EHF: variants seen among roughly 807,000 people sequenced by gnomAD.
EHF encodes the protein ESE3 transcription factor.
A neutral mutation model predicts 45.1 loss-of-function variants in EHF; 14 were observed. That is an observed-to-expected ratio of 0.31 (90% confidence interval 0.21 to 0.49). The LOEUF is 0.49. Ranked by LOEUF, EHF falls within the 20% of genes least tolerant of loss-of-function variation. The pLI, the probability that EHF is intolerant of heterozygous loss-of-function variation, is 0.99. For synonymous variants in EHF, 136 were observed against 131.8 expected (o/e 1.03, Z -0.22); for missense variants, 282 against 371.4 (o/e 0.76, Z 1.98).
intron 6 of EHF, among the ~76,000 whole-genome samples, chr11:34,656,045 C>T (rs1185363027): frequency 1.6e-5 from 2 of 128,750 alleles, no homozygotes; most frequent in Non-Finnish European, 1.6e-5. Context: ...CTACTTTGGT[C>T]CTCCCAATAC....
At chr11:34,637,058 G>A (rs931948930) in intron 1 of EHF, among the ~76,000 whole-genome samples, 5 of 149,730 alleles carry the variant, frequency 3.3e-5, no homozygotes, top group South Asian at 2.1e-4. Flanking sequence ...AAAGACATGC[G>A]GCACTACTAG....
chr11:34,633,533 T>C (rs1220657845), intron 1 of EHF, among the ~76,000 whole-genome samples: 2 of 152,164 alleles, frequency 1.3e-5, no homozygotes, highest in Non-Finnish European at 2.9e-5. Flanking sequence ...TAGCCAAACA[T>C]TGTTGACTCT....
chr11:34,633,925 C>T (rs1853144121), intron 1 of EHF, among the ~76,000 whole-genome samples: 1 of 152,088 alleles, frequency 6.6e-6, no homozygotes, highest in Non-Finnish European at 1.5e-5. Flanking sequence ...ATAAAGTGTA[C>T]CTATAATGGA....
At chr11:34,638,934 A>T (rs77396782) in intron 1 of EHF, among the ~76,000 whole-genome samples, 1,853 of 152,318 alleles carry the variant, frequency 0.012, 37 homozygotes, top group East Asian at 0.074. Flanking sequence ...ACACCTTGAG[A>T]ATTAATGTTT....
chr11:34,652,372 G>C (rs529876073), intron 6 of EHF, among the ~76,000 whole-genome samples: 2 of 152,126 alleles, frequency 1.3e-5, no homozygotes, highest in Admixed American at 1.3e-4. Flanking sequence ...TATGAGTTAC[G>C]TTCACTTTAG....
Position 34,636,308 on chromosome 11 carries a change from C to G in EHF, c.-3-6320C>G, listed in dbSNP as rs1853398062. Among the ~76,000 whole-genome samples the G allele has an allele frequency of 2.6e-5, 4 of 152,332 alleles. No homozygotes were observed. In the South Asian group the frequency reaches 8.3e-4, roughly 32 times the overall value. ...ACTGAGGTCCTGAGAAGTTAAATAA[C>G]TTGTCCAAACTTGCCCCATTAGGAA... is the stretch of plus-strand genomic sequence containing the variant. On this transcript the variant is annotated intron_variant, in intron 1 of 8. Coordinates refer to ENST00000257831, the MANE Select transcript of EHF (RefSeq NM_012153.6).
intron 6 of EHF, among the ~76,000 whole-genome samples, chr11:34,654,409 A>G (rs775504967): frequency 3.9e-5 from 6 of 152,242 alleles, no homozygotes; most frequent in Non-Finnish European, 8.8e-5. Flanking sequence ...AGATCAAAAG[A>G]TATCAGTGGT....
Position 34,637,431 on chromosome 11 carries a change from T to C in EHF, c.-3-5197T>C, listed in dbSNP as rs115417263. On this transcript the variant is annotated intron_variant, in intron 1 of 8. Transcript: ENST00000257831. ...GCGGGAGTTTGTGTGTACCTGAAAC[T>C]GCCCTTAAAAGAAGTGAGATGCGGA... Among the ~76,000 whole-genome samples, 221 of 152,320 alleles carry C rather than the reference T, an allele frequency of 1.5e-3. 1 individual carries two copies. Among genetic ancestry groups the C allele is most frequent in the African/African-American group, 5.1e-3 (213 of 41,584 alleles).
At chr11:34,652,525 G>A (rs774689678) in intron 6 of EHF, among the ~76,000 whole-genome samples, 2 of 152,184 alleles carry the variant, frequency 1.3e-5, no homozygotes, top group African/African-American at 4.8e-5. Context: ...GTGCATTGGC[G>A]TGTACAGTGT....
chr11:34,650,003 C>A (rs1036586289), intron 4 of EHF, among the ~76,000 whole-genome samples: 1 of 152,212 alleles, frequency 6.6e-6, no homozygotes, highest in Non-Finnish European at 1.5e-5. Context: ...GCAAATTAGG[C>A]TTTGCTAGCC....
intron 6 of EHF, among the ~76,000 whole-genome samples, chr11:34,655,193 G>T (rs954239023): frequency 3.9e-5 from 6 of 152,158 alleles, no homozygotes; most frequent in African/African-American, 1.2e-4. Context: ...TGCCAGGAGA[G>T]AAATTCTTAA....
At chr11:34,629,280 G>C (rs75961213) in intron 1 of EHF, among the ~76,000 whole-genome samples, 1 of 152,184 alleles carries the variant, frequency 6.6e-6, no homozygotes, top group East Asian at 1.9e-4. Context: ...GTAGGGAGTT[G>C]CTGGCAATAC....
chr11:34,623,306 G>A (rs1852111318), intron 1 of EHF, among the ~76,000 whole-genome samples: 1 of 152,054 alleles, frequency 6.6e-6, no homozygotes, highest in Admixed American at 6.5e-5. Context: ...GGCTGGTTTT[G>A]AACTCCTGAC....
At chr11:34,637,518 C>G (rs979027532) in intron 1 of EHF, among the ~76,000 whole-genome samples, 7 of 152,200 alleles carry the variant, frequency 4.6e-5, no homozygotes, top group African/African-American at 1.7e-4. Flanking sequence ...TGCTTTCTTG[C>G]TGCAAAAAGA....
rs1188354906 is a variant in EHF at position 34,627,745 on chromosome 11, T to TA, written c.-4+6526dup. Among the ~76,000 whole-genome samples, 21 of 151,622 alleles carry TA rather than the reference T, an allele frequency of 1.4e-4. No individual in the cohort carries two copies. The South Asian group carries it at 1.9e-3, about 14-fold the overall frequency. ...TTCAGGGTTTCTGTGAACTTGGATG[T>TA]AAAAAAAAATTGTCTTTATTTTCAA... On this transcript the variant is annotated intron_variant, in intron 1 of 8. Transcript: ENST00000257831.
chr11:34,647,080 C>CA lies in EHF; in HGVS notation c.343+400dup, dbSNP rs1229960701. ...ACAAAAAACAAAAAACAAAACAAAA[C>CA]AAAACCCCCCCCACACACACACACA... On this transcript the variant is annotated intron_variant, in intron 3 of 8. Coordinates refer to ENST00000257831, the MANE Select transcript of EHF (RefSeq NM_012153.6). Among the ~76,000 whole-genome samples, 10 of 139,616 alleles carry CA rather than the reference C, an allele frequency of 7.2e-5. 1 individual carries two copies. The highest frequency in any genetic ancestry group is 2.8e-4 in the African/African-American group (10 of 35,136). 91.6% of individuals were successfully genotyped at this position (139,616 alleles called of 152,430 possible).
rs539443918 is a variant in EHF, at chr11:34,661,853, C to T, written c.*2922C>T. On this transcript the variant is annotated 3_prime_UTR_variant, in exon 9 of 9. Transcript: ENST00000257831. ...CGTATGCCTGAGTTGAAAGGGCTCTCTCTTATTAGGTTTTCATGGGAACAT... is the reference window on the plus strand; with the variant it reads ...CGTATGCCTGAGTTGAAAGGGCTCTTTCTTATTAGGTTTTCATGGGAACAT... Among the ~76,000 whole-genome samples, 6 of 152,224 alleles carry T rather than the reference C, an allele frequency of 3.9e-5. No individual in the cohort carries two copies. The highest frequency in any genetic ancestry group is 1.9e-4 in the East Asian group (1 of 5,184).
In EHF at chr11:34,646,550, C is replaced by A. The variant is rs192302323; in HGVS notation, c.209C>A (p.Ala70Asp). ...CTCCTGGACACCAACCAGCTGGATG[C>A]CAATTGTATCCCTTTCCAAGAGTTC... ...QHLLDTNQLD[A>D]NCIPFQEFDI... Residue 70 changes from alanine to aspartate, a missense_variant, in exon 3 of 9, where the codon GCC (alanine) becomes GAC (aspartate). Ala to Asp is a moderately radical substitution (Grantham distance 126). Transcript: ENST00000257831. 6.2e-7 allele frequency: 1 copy of A among 1,613,688 alleles called. No individual in the cohort carries two copies. Among genetic ancestry groups the A allele is most frequent in the Non-Finnish European group, 8.5e-7 (1 of 1,179,772 alleles).
At position 34,658,405 on chromosome 11, in the gene EHF, T is replaced by G; in HGVS notation, c.608-128T>G. The G allele has an allele frequency of 4.1e-6, 3 of 725,050 alleles. No homozygotes were observed. In the South Asian group the frequency reaches 6.1e-5, roughly 15 times the overall value. 44.9% of individuals were successfully genotyped at this position (725,050 alleles called of 1,614,324 possible). A position where few individuals can be genotyped will look rare whatever the true frequency, so the allele number is the denominator to read the frequency against. On this transcript the variant is annotated intron_variant, in intron 7 of 8. Transcript: ENST00000257831. Reference sequence around the variant, plus strand: ...CAACATCTGGTGATTCTGCGATCCATCTTCCCTGACAAGTAGGGGAGAAAT... The same window carrying G: ...CAACATCTGGTGATTCTGCGATCCAGCTTCCCTGACAAGTAGGGGAGAAAT...
Sources: allele counts gnomAD v4.1 joint callset (sites outside exome capture counted in the v4.1 genomes callset), GRCh38; gene constraint gnomAD v4.1.1; transcripts MANE v1.5; gene names NCBI Gene and HGNC (gene_info 2026-07-23, HGNC 2026-07-21).